Variants in PTPA observed in about 807,000 individuals in gnomAD.
PTPA encodes serine/threonine-protein phosphatase 2A activator.
A neutral mutation model predicts 43.6 loss-of-function variants in PTPA; 13 were observed. The observed-to-expected ratio is 0.30, with a 90% confidence interval of 0.19 to 0.47. PTPA has a LOEUF of 0.47. PTPA is among the 20% of genes least tolerant of loss of function. The pLI is 0.99. For missense variants in PTPA, 329 were observed against 411.9 expected (o/e 0.80, Z 1.74); for synonymous variants, 172 against 158.2 (o/e 1.09, Z -0.66).
chr9:129,113,070 C>T, intron 1 of PTPA, among the ~76,000 whole-genome samples: 1 of 149,082 alleles, frequency 6.7e-6, no homozygotes, highest in East Asian at 2.0e-4. Flanking sequence ...AAAAAAGTCG[C>T]AAAAAAAAAA....
rs1234354761 is a variant in PTPA, at chr9:129,127,956, A to G, written c.217-1029A>G. The G allele has an allele frequency of 4.5e-6, 6 of 1,320,154 alleles. No individual in the cohort carries two copies. In the East Asian group the frequency reaches 2.0e-4, roughly 45 times the overall value. The allele number at this position is 1,320,154 out of a possible 1,614,324, so 81.8% of individuals were successfully genotyped here. On this transcript the variant is annotated intron_variant, in intron 3 of 9. Transcript: ENST00000393370. ...TAAAAGTTGTCATAAGATTATGTTT[A>G]TATGTAGATGTGGAATGAGGTTCAT...
intron 5 of PTPA, 32 bp downstream of exon 5, chr9:129,131,671 C>G (rs764803987): frequency 3.8e-6 from 6 of 1,587,144 alleles, no homozygotes; most frequent in African/African-American, 2.7e-5. Context: ...CTGTACTTAT[C>G]TAGCTTCACT....
intron 9 of PTPA, chr9:129,143,469 T>G: frequency 1.4e-6 from 1 of 702,610 alleles, no homozygotes; most frequent in Non-Finnish European, 2.6e-6. Context: ...AAGGGGCTGC[T>G]CCAGGTCTTC....
intron 4 of PTPA, among the ~76,000 whole-genome samples, chr9:129,131,181 G>C (rs993003398): frequency 6.6e-6 from 1 of 152,206 alleles, no homozygotes; most frequent in African/African-American, 2.4e-5. Context: ...TGTGAAGGAA[G>C]GTGGCCTGTG....
At chr9:129,146,270 C>T (rs1851295813) in intron 9 of PTPA, among the ~76,000 whole-genome samples, 1 of 152,146 alleles carries the variant, frequency 6.6e-6, no homozygotes, top group South Asian at 2.1e-4. Flanking sequence ...CTGGCTGTGG[C>T]CAGGGCTCTG....
chr9:129,116,779 C>T (rs1174063560), intron 1 of PTPA, among the ~76,000 whole-genome samples: 3 of 152,160 alleles, frequency 2.0e-5, no homozygotes, highest in Non-Finnish European at 2.9e-5. Flanking sequence ...GATCTGCCCA[C>T]CTCTGCCTAC....
At position 129,126,279 on chromosome 9, in the gene PTPA, C is replaced by T. The variant is rs144804906; in HGVS notation, c.217-2706C>T. On this transcript the variant is annotated intron_variant, in intron 3 of 9. Transcript: ENST00000393370. ...TACGATCTCGGCTCACCACAACCTC[C>T]GCCTCCCGGGTTCAAACGATTCTCC... Among the ~76,000 whole-genome samples the T allele has an allele frequency of 2.2e-3, 330 of 152,012 alleles. 2 individuals are homozygous for T. Among genetic ancestry groups the T allele is most frequent in the African/African-American group, 7.4e-3 (308 of 41,454 alleles).
rs971654815 is a variant in PTPA at position 129,142,687 on chromosome 9, C to T, written c.894+135C>T. 25 of 1,546,196 alleles carry T rather than the reference C, an allele frequency of 1.6e-5. No homozygotes were observed. The African/African-American group carries it at 2.2e-4, about 14-fold the overall frequency. On this transcript the variant is annotated intron_variant, in intron 9 of 9. Coordinates refer to ENST00000393370, the MANE Select transcript of PTPA (RefSeq NM_178000.3). ...GTTTTGCTCTGAATCTTAGGCCAGC[C>T]CCTCTGACACTTGGGGCCTCGGAAT...
chr9:129,139,514 C>T (rs2030384379), intron 8 of PTPA: 1 of 152,162 alleles, frequency 6.6e-6, no homozygotes, highest in African/African-American at 2.4e-5. Context: ...GGAGTGTGCC[C>T]AGGAGCCGGG....
At chr9:129,146,501 A>C (rs1252794726) in intron 9 of PTPA, among the ~76,000 whole-genome samples, 1 of 152,160 alleles carries the variant, frequency 6.6e-6, no homozygotes, top group East Asian at 1.9e-4. Context: ...TGAGGCCATA[A>C]GTCTTGTTCC....
intron 1 of PTPA, among the ~76,000 whole-genome samples, chr9:129,115,438 ACTTTT>A (rs1296243338): frequency 3.3e-5 from 5 of 152,110 alleles, no homozygotes; most frequent in South Asian, 2.1e-4. Flanking sequence ...GTCCCCTGGC[ACTTTT>A]CTTTTCTTCA....
chr9:129,125,866 T>TCTA (rs1849542606), intron 3 of PTPA, among the ~76,000 whole-genome samples: 1 of 152,186 alleles, frequency 6.6e-6, no homozygotes, highest in Admixed American at 6.5e-5. Flanking sequence ...AGCTAGCTTT[T>TCTA]GGCTGGGCGC....
chr9:129,119,975 G>C (rs1849141780), intron 1 of PTPA, among the ~76,000 whole-genome samples: 1 of 151,990 alleles, frequency 6.6e-6, no homozygotes, highest in Non-Finnish European at 1.5e-5. Flanking sequence ...AAGTGAGAGA[G>C]AGGCCGGGCG....
chr9:129,142,976 T>G (rs963791451), intron 9 of PTPA: 2 of 1,349,690 alleles, frequency 1.5e-6, no homozygotes, highest in South Asian at 3.1e-5. Context: ...CTTCAAATGT[T>G]AGTGTGTATG....
upstream of PTPA, chr9:129,111,084 T>TA (rs1267722471): frequency 5.1e-6 from 7 of 1,360,176 alleles, no homozygotes; most frequent in African/African-American, 8.9e-5. Context: ...GCCTAACTCT[T>TA]AGAGTGATAG....
chr9:129,141,385 C>T (rs1850813489), intron 8 of PTPA, among the ~76,000 whole-genome samples: 1 of 151,836 alleles, frequency 6.6e-6, no homozygotes, highest in African/African-American at 2.4e-5. Context: ...CCTTCCAAGT[C>T]TCTGTTTCTT....
chr9:129,114,815 C>G (rs967325567), intron 1 of PTPA, among the ~76,000 whole-genome samples: 4 of 152,136 alleles, frequency 2.6e-5, no homozygotes, highest in African/African-American at 9.7e-5. Flanking sequence ...CATTTATCAC[C>G]ATCCTGCCTT....
At chr9:129,128,951 C>T (rs1253802059) in intron 3 of PTPA, 34 bp from the exon 4 acceptor site, 3 of 1,611,594 alleles carry the variant, frequency 1.9e-6, no homozygotes, top group African/African-American at 1.3e-5. Context: ...GCCACTTGCT[C>T]TGTAGCTTGG....
chr9:129,133,316 C>A (rs1301800944), intron 5 of PTPA, among the ~76,000 whole-genome samples: 4 of 152,176 alleles, frequency 2.6e-5, no homozygotes, highest in African/African-American at 9.7e-5. Context: ...TTGACTAAGA[C>A]CAGCAGGAAA....
Sources: allele counts gnomAD v4.1 joint callset (sites outside exome capture counted in the v4.1 genomes callset), GRCh38; gene constraint gnomAD v4.1.1; transcripts MANE v1.5; gene names NCBI Gene and HGNC (gene_info 2026-07-23, HGNC 2026-07-21).